The following NPSR1 variants were observed in gnomAD, a reference collection of about 807,000 sequenced individuals.
NPSR1 encodes the protein neuropeptide S receptor 1.
Under a neutral mutation model 46.9 loss-of-function variants are expected in NPSR1, and 48 were observed. The observed-to-expected ratio is 1.02, with a 90% confidence interval of 0.81 to 1.30. NPSR1 has a LOEUF of 1.30. NPSR1 is among the 50% of genes most tolerant of loss of function. The pLI is 0.00. For synonymous variants in NPSR1, 176 were observed against 168.1 expected (o/e 1.05, Z -0.36); for missense variants, 450 against 449.5 (o/e 1.00, Z -0.01).
chr7:34,747,682 A>G lies in NPSR1; in HGVS notation c.281-30780A>G, dbSNP rs147990444. 1.8e-3 allele frequency among the ~76,000 whole-genome samples: 271 copies of G among 152,328 alleles called. 4 individuals carry two copies. Among genetic ancestry groups the G allele is most frequent in the African/African-American group, 6.4e-3 (265 of 41,566 alleles). Reference sequence around the variant, plus strand: ...CACGCATGTGACTGGATACCGCATGAGTTTTCTAAAGCTTAAAGATGACTA... The same window carrying G: ...CACGCATGTGACTGGATACCGCATGGGTTTTCTAAAGCTTAAAGATGACTA... On this transcript the variant is annotated intron_variant, in intron 2 of 8. Coordinates refer to ENST00000360581, the MANE Select transcript of NPSR1 (RefSeq NM_207172.2).
intron 5 of NPSR1, among the ~76,000 whole-genome samples, chr7:34,828,389 G>A (rs1289598137): frequency 1.3e-5 from 2 of 152,222 alleles, no homozygotes; most frequent in African/African-American, 4.8e-5. Flanking sequence ...CCTTTGTCCT[G>A]CAGCCAATGG....
chr7:34,675,308 C>T (rs1235965766), intron 1 of NPSR1, among the ~76,000 whole-genome samples: 2 of 152,206 alleles, frequency 1.3e-5, no homozygotes, highest in Non-Finnish European at 2.9e-5. Context: ...TTATTTCATT[C>T]CCTTTCACCC....
At chr7:34,814,058 T>A (rs985938197) in intron 4 of NPSR1, among the ~76,000 whole-genome samples, 1 of 152,186 alleles carries the variant, frequency 6.6e-6, no homozygotes, top group Non-Finnish European at 1.5e-5. Flanking sequence ...TGGGACTGGT[T>A]GGACAGTGGG....
chr7:34,845,757 T>C (rs1790719246), intron 7 of NPSR1, among the ~76,000 whole-genome samples: 1 of 152,196 alleles, frequency 6.6e-6, no homozygotes, highest in African/African-American at 2.4e-5. Context: ...ACTTATATTA[T>C]CACCAAGACC....
chr7:34,767,284 G>C lies in NPSR1; in HGVS notation c.281-11178G>C, dbSNP rs539105788. Among the ~76,000 whole-genome samples the C allele has an allele frequency of 3.9e-5, 6 of 152,124 alleles. No homozygotes were observed. In the South Asian group the frequency reaches 1.2e-3, roughly 32 times the overall value. ...GTCTTATTTTTGCAACTTTAATATG[G>C]GTCTTAAATGATTTCAAAATAAACA... On this transcript the variant is annotated intron_variant, in intron 2 of 8. Transcript: ENST00000360581.
At chr7:34,807,817 T>C (rs931530123) in intron 3 of NPSR1, among the ~76,000 whole-genome samples, 5 of 152,178 alleles carry the variant, frequency 3.3e-5, no homozygotes, top group Non-Finnish European at 7.3e-5. Context: ...TGTTTGTTTG[T>C]TGCTATTTAC....
At chr7:34,665,765 C>A (rs905315035) in intron 1 of NPSR1, among the ~76,000 whole-genome samples, 1 of 152,054 alleles carries the variant, frequency 6.6e-6, no homozygotes, top group South Asian at 2.1e-4. Flanking sequence ...CAATATGGTT[C>A]CTCTCTTGAC....
chr7:34,703,287 C>T (rs1259296366), intron 2 of NPSR1, among the ~76,000 whole-genome samples: 1 of 152,196 alleles, frequency 6.6e-6, no homozygotes, highest in East Asian at 1.9e-4. Flanking sequence ...GGGAGAATGG[C>T]GTGAACCCGG....
At chr7:34,777,698 G>T (rs1227907872) in intron 2 of NPSR1, among the ~76,000 whole-genome samples, 2 of 152,108 alleles carry the variant, frequency 1.3e-5, no homozygotes, top group African/African-American at 4.8e-5. Context: ...TTTTGAGAAA[G>T]ATTCTGGATT....
chr7:34,752,046 G>A (rs542953008), intron 2 of NPSR1: 14 of 689,388 alleles, frequency 2.0e-5, no homozygotes, highest in South Asian at 4.7e-5. Context: ...TGGAAACTTC[G>A]GAAGAGAGTT....
intron 3 of NPSR1, among the ~76,000 whole-genome samples, chr7:34,794,076 G>T (rs906435700): frequency 8.5e-5 from 13 of 152,082 alleles, no homozygotes; most frequent in Non-Finnish European, 1.5e-4. Flanking sequence ...GAGGGTAAGT[G>T]AAAGAGGGTA....
At chr7:34,762,098 C>A (rs576861479) in intron 2 of NPSR1, among the ~76,000 whole-genome samples, 8 of 152,232 alleles carry the variant, frequency 5.3e-5, no homozygotes, top group African/African-American at 1.7e-4. Flanking sequence ...TAATTAGACA[C>A]AAGCTTTTTA....
intron 8 of NPSR1, among the ~76,000 whole-genome samples, chr7:34,861,764 CT>C (rs2128768046): frequency 6.6e-6 from 1 of 151,980 alleles, no homozygotes; most frequent in African/African-American, 2.4e-5. Context: ...GGTTTATTCT[CT>C]GCAAATTCAT....
At chr7:34,847,698 G>A (rs367625015) in intron 7 of NPSR1, among the ~76,000 whole-genome samples, 4 of 152,240 alleles carry the variant, frequency 2.6e-5, no homozygotes, top group Admixed American at 6.5e-5. Flanking sequence ...GATTGGATGC[G>A]GCCCACAAAC....
intron 4 of NPSR1, among the ~76,000 whole-genome samples, chr7:34,823,773 T>C (rs1341959452): frequency 6.6e-6 from 1 of 152,130 alleles, no homozygotes; most frequent in Non-Finnish European, 1.5e-5. Flanking sequence ...ATTGATAAAA[T>C]TGGAGTACAG....
intron 2 of NPSR1, among the ~76,000 whole-genome samples, chr7:34,724,207 G>A (rs937669668): frequency 1.1e-4 from 16 of 152,096 alleles, no homozygotes; most frequent in Non-Finnish European, 8.8e-5. Flanking sequence ...ACTATAGCTA[G>A]CATAAAGGAA....
chr7:34,709,686 A>G (rs902035753), intron 2 of NPSR1, among the ~76,000 whole-genome samples: 2 of 152,202 alleles, frequency 1.3e-5, no homozygotes, highest in African/African-American at 4.8e-5. Context: ...TTGTTTGCCT[A>G]ACCTCACTAT....
chr7:34,738,727 C>A (rs1305605666), intron 2 of NPSR1, among the ~76,000 whole-genome samples: 1 of 152,028 alleles, frequency 6.6e-6, no homozygotes, highest in Non-Finnish European at 1.5e-5. Context: ...TTTCTAACAT[C>A]TTTTTATTTT....
At chr7:34,678,978 T>C (rs1025157817) in intron 1 of NPSR1, among the ~76,000 whole-genome samples, 2 of 152,144 alleles carry the variant, frequency 1.3e-5, no homozygotes, top group Admixed American at 1.3e-4. Flanking sequence ...TAACAGAACC[T>C]GGGGTTGGGG....
Sources: gnomAD v4.1 joint callset for allele counts (sites outside exome capture counted in the v4.1 genomes callset) on GRCh38, gnomAD v4.1.1 for gene constraint, MANE v1.5 for transcripts, NCBI Gene and HGNC (gene_info 2026-07-23, HGNC 2026-07-21) for gene names.